The following ABCC9 variants were observed in gnomAD, a reference collection of about 807,000 sequenced individuals.
ABCC9 encodes the protein ATP-binding cassette sub-family C member 9.
ABCC9 carries 95 observed loss-of-function variants against 188.3 expected under a neutral mutation model. The ratio of observed to expected loss-of-function variants is 0.50; its 90% CI spans 0.43 to 0.60. The LOEUF is 0.60. Among genes scored for constraint, ABCC9 ranks in the 20% least tolerant of loss-of-function variants. ABCC9 has a pLI of 0.00. For synonymous variants in ABCC9, 659 were observed against 652.7 expected, an observed-to-expected ratio of 1.01 and a Z score of -0.15; for missense variants, 1,102 against 1,876.3, an observed-to-expected ratio of 0.59 and a Z score of 7.62.
At chr12:21,810,854 A>G (rs1048152512) in intron 36 of ABCC9, among the ~76,000 whole-genome samples, 1 of 152,202 alleles carries the variant, frequency 6.6e-6, no homozygotes, top group Non-Finnish European at 1.5e-5. Context: ...ATACTAGGCA[A>G]TCTTACATAC....
rs765911298 is a variant in ABCC9, at chr12:21,817,282, A to G, written c.3797T>C (p.Val1266Ala). 2 of 1,613,734 alleles carry G rather than the reference A, an allele frequency of 1.2e-6. No homozygotes were observed. Among genetic ancestry groups the G allele is most frequent in the South Asian group, 1.1e-5 (1 of 91,076 alleles). Residue 1266 changes from valine (V) to alanine (A), a missense_variant, in exon 33 of 40, where the codon GTG becomes GCG. Physicochemically the swap from Val to Ala is moderately conservative, Grantham distance 64. Transcript: ENST00000261200. ...LTITNYLNWV[V>A]RNLADLEVQM... is the part of the protein sequence containing the mutation. ...GACCTCCAGGTCAGCCAAGTTCCTCACAACCCAATTCAAATAATTGGTTAT... is the reference window on the plus strand; with the variant it reads ...GACCTCCAGGTCAGCCAAGTTCCTCGCAACCCAATTCAAATAATTGGTTAT...
intron 11 of ABCC9, among the ~76,000 whole-genome samples, chr12:21,907,454 T>C (rs576361252): frequency 2.6e-5 from 4 of 152,170 alleles, no homozygotes; most frequent in Middle Eastern, 3.4e-3. Flanking sequence ...ACTTTATTTG[T>C]AAACATGCTG....
At chr12:21,865,738 C>T (rs1945743218) in intron 18 of ABCC9, among the ~76,000 whole-genome samples, 1 of 152,092 alleles carries the variant, frequency 6.6e-6, no homozygotes. Context: ...TCAATCTATT[C>T]AATAAAGGTT....
intron 20 of ABCC9, among the ~76,000 whole-genome samples, chr12:21,862,598 A>G (rs1945576508): frequency 6.6e-6 from 1 of 152,092 alleles, no homozygotes; most frequent in Non-Finnish European, 1.5e-5. Context: ...TCTTTTCACA[A>G]TTAAACTTCC....
chr12:21,820,700 G>C (rs912724847), intron 31 of ABCC9, among the ~76,000 whole-genome samples: 1 of 152,028 alleles, frequency 6.6e-6, no homozygotes, highest in African/African-American at 2.4e-5. Context: ...GCCAGTGACT[G>C]CCTGAAATGC....
intron 10 of ABCC9, among the ~76,000 whole-genome samples, chr12:21,909,254 A>G (rs1948201103): frequency 1.3e-5 from 2 of 152,008 alleles, no homozygotes; most frequent in Non-Finnish European, 2.9e-5. Context: ...TGTGCCAAGC[A>G]CTGTGCATAA....
rs112970527 is a variant in ABCC9 at position 21,863,581 on chromosome 12, A to G, written c.2238-527T>C. Among the ~76,000 whole-genome samples the G allele has an allele frequency of 1.4e-4, 22 of 152,340 alleles. 1 individual carries two copies. The highest frequency in any genetic ancestry group is 5.3e-4 in the African/African-American group (22 of 41,594). ...TCTTAAGGAGTCCCTGAAACTTTCAATATTGAAATCGTGCATGTAAAAACT... is the reference window on the plus strand; with the variant it reads ...TCTTAAGGAGTCCCTGAAACTTTCAGTATTGAAATCGTGCATGTAAAAACT... On this transcript the variant is annotated intron_variant, in intron 19 of 39. Coordinates refer to ENST00000261200, the MANE Select transcript of ABCC9 (RefSeq NM_020297.4).
intron 16 of ABCC9, among the ~76,000 whole-genome samples, chr12:21,875,956 C>T (rs565819688): frequency 1.4e-4 from 21 of 151,982 alleles, no homozygotes; most frequent in African/African-American, 3.6e-4. Context: ...TGGTGGCAGG[C>T]GCCTGTAGTC....
chr12:21,862,121 CCTT>C (rs768833620), intron 20 of ABCC9, among the ~76,000 whole-genome samples: 8 of 151,816 alleles, frequency 5.3e-5, no homozygotes, highest in Non-Finnish European at 8.8e-5. Context: ...CTCAACCATC[CCTT>C]CTTTTATATT....
chr12:21,830,658 C>T (rs1224480932), intron 30 of ABCC9, among the ~76,000 whole-genome samples: 3 of 152,232 alleles, frequency 2.0e-5, no homozygotes, highest in Non-Finnish European at 2.9e-5. Flanking sequence ...TCCAATCAAT[C>T]TGATCATTCC....
At chr12:21,803,096 T>C (rs945160276) in intron 39 of ABCC9, among the ~76,000 whole-genome samples, 3 of 151,376 alleles carry the variant, frequency 2.0e-5, no homozygotes, top group African/African-American at 7.3e-5. Context: ...ACCTAATACA[T>C]TGATGAATTA....
intron 5 of ABCC9, chr12:21,923,938 A>C: frequency 1.5e-6 from 1 of 655,792 alleles, no homozygotes; most frequent in Non-Finnish European, 2.7e-6. Flanking sequence ...CAATAAGAAA[A>C]TATTGATCTA....
chr12:21,804,338 C>T (rs1031235657), intron 39 of ABCC9, among the ~76,000 whole-genome samples: 5 of 152,122 alleles, frequency 3.3e-5, no homozygotes, highest in Admixed American at 6.5e-5. Context: ...CATCCAACAA[C>T]GCCATGCTTC....
At chr12:21,901,282 C>T (rs978767453) in intron 12 of ABCC9, among the ~76,000 whole-genome samples, 11 of 152,044 alleles carry the variant, frequency 7.2e-5, no homozygotes, top group Admixed American at 3.3e-4. Context: ...CCAGACCTGC[C>T]CTACAAGAGC....
At chr12:21,889,394 G>A (rs1317819596) in intron 14 of ABCC9, among the ~76,000 whole-genome samples, 1 of 152,096 alleles carries the variant, frequency 6.6e-6, no homozygotes, top group Non-Finnish European at 1.5e-5. Context: ...TTTACAGATT[G>A]TAATTGTCAT....
intron 31 of ABCC9, chr12:21,828,679 A>C (rs1188014283): frequency 2.4e-6 from 1 of 419,654 alleles, no homozygotes; most frequent in East Asian, 5.0e-5. Flanking sequence ...AAAAAATTTG[A>C]AGTTATACAA....
At chr12:21,818,045 T>A in intron 32 of ABCC9, 105 bp downstream of exon 32, 12 of 568,820 alleles carry the variant, frequency 2.1e-5, no homozygotes, top group East Asian at 5.3e-5. Flanking sequence ...GTATGTGTAA[T>A]TCCCCTCTCT....
Position 21,838,659 on chromosome 12 carries a change from T to C in ABCC9, c.3474-489A>G, listed in dbSNP as rs545692489. 2.3e-4 allele frequency among the ~76,000 whole-genome samples: 35 copies of C among 152,282 alleles called. 2 individuals are homozygous for C. The South Asian group carries it at 6.6e-3, about 29-fold the overall frequency. On this transcript the variant is annotated intron_variant, in intron 29 of 39. Transcript: ENST00000261200. The stretch of plus-strand genomic sequence containing the variant: ...GCTGTTGTAGTAGGAAGAGGCTATG[T>C]AAAGGATATGGCCTTGTAAGGGTGA...
intron 12 of ABCC9, among the ~76,000 whole-genome samples, chr12:21,904,954 A>T (rs183656734): frequency 6.6e-6 from 1 of 152,352 alleles, no homozygotes; most frequent in African/African-American, 2.4e-5. Flanking sequence ...ACTATAAATC[A>T]TGCTGCTATA....
Sources: gnomAD v4.1 joint callset for allele counts (sites outside exome capture counted in the v4.1 genomes callset) on GRCh38, gnomAD v4.1.1 for gene constraint, MANE v1.5 for transcripts, NCBI Gene and HGNC (gene_info 2026-07-23, HGNC 2026-07-21) for gene names.